Variants in LSAMP observed in about 807,000 individuals in gnomAD.
The protein encoded by LSAMP is limbic system associated membrane protein, also known as limbic system-associated membrane protein.
Under a neutral mutation model 38.6 loss-of-function variants are expected in LSAMP, and 7 were observed. The ratio of observed to expected loss-of-function variants is 0.18; its 90% CI spans 0.10 to 0.34. The LOEUF is 0.34. Ranked by LOEUF, LSAMP falls within the 10% of genes least tolerant of loss-of-function variation. The pLI is 1.00. For missense variants in LSAMP, 313 were observed against 420.0 expected, an observed-to-expected ratio of 0.75 and a Z score of 2.23; for synonymous variants, 154 against 166.8, an observed-to-expected ratio of 0.92 and a Z score of 0.59.
rs556975975 is a variant in LSAMP, at chr3:116,289,153, G to T, written c.155+155724C>A. ...CAATCAGAGAAAGCCTAACACAAAAGAAAACACACCAATTTATAAAAGAAA... is the reference window on the plus strand; with the variant it reads ...CAATCAGAGAAAGCCTAACACAAAATAAAACACACCAATTTATAAAAGAAA... On this transcript the variant is annotated intron_variant, in intron 1 of 6. Coordinates refer to ENST00000490035, the MANE Select transcript of LSAMP (RefSeq NM_002338.5). 1.2e-4 allele frequency among the ~76,000 whole-genome samples: 19 copies of T among 152,176 alleles called. No homozygotes were observed. The Middle Eastern group carries it at 0.01, about 82-fold the overall frequency.
intron 3 of LSAMP, among the ~76,000 whole-genome samples, chr3:115,944,002 T>C (rs1938016034): frequency 6.6e-6 from 1 of 152,182 alleles, no homozygotes; most frequent in Admixed American, 6.5e-5. Context: ...AAGAAAATGA[T>C]ACATAACCAA....
At chr3:115,965,371 A>G (rs948983388) in intron 3 of LSAMP, among the ~76,000 whole-genome samples, 1 of 151,986 alleles carries the variant, frequency 6.6e-6, no homozygotes, top group Non-Finnish European at 1.5e-5. Flanking sequence ...TGTACAGAAA[A>G]TATCAATTCT....
chr3:116,266,425 A>C (rs181508644), intron 1 of LSAMP, among the ~76,000 whole-genome samples: 11 of 152,352 alleles, frequency 7.2e-5, no homozygotes, highest in Non-Finnish European at 1.0e-4. Flanking sequence ...AAGTAACAGA[A>C]TCACTCAGAG....
chr3:116,330,933 TA>T (rs1383157334), intron 1 of LSAMP, among the ~76,000 whole-genome samples: 1 of 152,016 alleles, frequency 6.6e-6, no homozygotes, highest in Non-Finnish European at 1.5e-5. Flanking sequence ...AAACTGTCCC[TA>T]AAAAGAACTA....
chr3:116,086,834 ATCT>A (rs1421777428), intron 1 of LSAMP, among the ~76,000 whole-genome samples: 28 of 152,158 alleles, frequency 1.8e-4, no homozygotes, highest in African/African-American at 6.3e-4. Flanking sequence ...ACTTCCCATT[ATCT>A]TCTTCTTGTT....
chr3:115,929,461 T>TA lies in LSAMP; in HGVS notation c.515-76845dup, dbSNP rs1364602013. 4.0e-5 allele frequency among the ~76,000 whole-genome samples: 6 copies of TA among 151,824 alleles called. No individual in the cohort carries two copies. In the South Asian group the frequency reaches 8.3e-4, roughly 21 times the overall value. The stretch of plus-strand genomic sequence containing the variant: ...ATATCCTGTACATAAGTGGAGAAAA[T>TA]AAAAAAAATTCCCTTCTTTAGTTTC... On this transcript the variant is annotated intron_variant, in intron 3 of 6. Coordinates refer to ENST00000490035, the MANE Select transcript of LSAMP (RefSeq NM_002338.5).
At chr3:116,421,555 A>AAG (rs2049126900) in intron 1 of LSAMP, among the ~76,000 whole-genome samples, 1 of 68,114 alleles carries the variant, frequency 1.5e-5, no homozygotes. Context: ...AAAAAAAAAA[A>AAG]GAAGAAGAAG....
intron 6 of LSAMP, among the ~76,000 whole-genome samples, chr3:115,821,348 A>G (rs1001865510): frequency 4.6e-5 from 7 of 152,220 alleles, no homozygotes; most frequent in African/African-American, 1.7e-4. Context: ...CATAAGGAAA[A>G]GAATTGACGT....
At chr3:116,012,699 G>GATAGACCTGAATAAAGAAGA (rs1354619672) in intron 3 of LSAMP, among the ~76,000 whole-genome samples, 1 of 152,046 alleles carries the variant, frequency 6.6e-6, no homozygotes, top group Non-Finnish European at 1.5e-5. Context: ...TGGAATGAAG[G>GATAGACCTGAATAAAGAAGA]ATAGACCTGA....
intron 3 of LSAMP, among the ~76,000 whole-genome samples, chr3:115,973,658 C>T (rs990261808): frequency 6.6e-5 from 10 of 151,856 alleles, no homozygotes; most frequent in African/African-American, 2.4e-4. Context: ...CACTTGAACC[C>T]GGGAGGTGGA....
chr3:115,923,874 T>C (rs1438356771), intron 3 of LSAMP, among the ~76,000 whole-genome samples: 1 of 152,212 alleles, frequency 6.6e-6, no homozygotes, highest in Non-Finnish European at 1.5e-5. Flanking sequence ...TTAGCATTCA[T>C]ATAACATTGT....
At chr3:116,253,247 T>C (rs1224787564) in intron 1 of LSAMP, among the ~76,000 whole-genome samples, 1 of 152,146 alleles carries the variant, frequency 6.6e-6, no homozygotes, top group African/African-American at 2.4e-5. Flanking sequence ...CTCTTCACCA[T>C]TTGCACATAC....
chr3:115,838,593 A>G (rs1428360290), intron 6 of LSAMP, among the ~76,000 whole-genome samples: 2 of 152,250 alleles, frequency 1.3e-5, no homozygotes, highest in Non-Finnish European at 2.9e-5. Flanking sequence ...AAAAAGATAT[A>G]CAAGGCATTA....
At chr3:115,949,741 A>G (rs1449785679) in intron 3 of LSAMP, among the ~76,000 whole-genome samples, 1 of 152,104 alleles carries the variant, frequency 6.6e-6, no homozygotes, top group Non-Finnish European at 1.5e-5. Context: ...CTAAGAAGCC[A>G]GTATCACCCT....
rs1933683709 is a variant in LSAMP at position 115,808,142 on chromosome 3, CTCCCT to C, written c.*2170_*2174del. On this transcript the variant is annotated 3_prime_UTR_variant, in exon 7 of 7. Coordinates refer to ENST00000490035, the MANE Select transcript of LSAMP (RefSeq NM_002338.5). The stretch of plus-strand genomic sequence containing the variant: ...CCTCCCTCCCTCCCTCCCTCCCTCC[CTCCCT>C]CCCCCCCTTCCCCGTCCCCCCCTCC... 2 of 79,858 alleles carry C rather than the reference CTCCCT, an allele frequency of 2.5e-5. No individual in the cohort carries two copies. Among genetic ancestry groups the C allele is most frequent in the African/African-American group, 1.1e-4 (2 of 18,214 alleles). 4.9% of individuals were successfully genotyped at this position (79,858 alleles called of 1,614,324 possible). A position where few individuals can be genotyped will look rare whatever the true frequency, so the allele number is the denominator to read the frequency against.
At chr3:115,968,930 A>T (rs1003749873) in intron 3 of LSAMP, among the ~76,000 whole-genome samples, 20 of 152,226 alleles carry the variant, frequency 1.3e-4, no homozygotes, top group Non-Finnish European at 2.2e-4. Context: ...TCCCTCCAGC[A>T]GCACTGGCTG....
At chr3:115,827,046 TA>T (rs1384630751) in intron 6 of LSAMP, among the ~76,000 whole-genome samples, 2 of 148,546 alleles carry the variant, frequency 1.3e-5, no homozygotes, top group Non-Finnish European at 3.0e-5. Flanking sequence ...GGGAGAAAAA[TA>T]AAACAAATTT....
At chr3:116,394,590 C>G (rs1412519231) in intron 1 of LSAMP, among the ~76,000 whole-genome samples, 1 of 152,174 alleles carries the variant, frequency 6.6e-6, no homozygotes, top group Non-Finnish European at 1.5e-5. Flanking sequence ...GACCAGCCCC[C>G]TCATTATGCT....
intron 2 of LSAMP, among the ~76,000 whole-genome samples, chr3:116,036,320 A>G (rs1285597776): frequency 6.6e-6 from 1 of 152,194 alleles, no homozygotes; most frequent in African/African-American, 2.4e-5. Context: ...TAATGAGTAC[A>G]CAATTAATCC....
Sources: gnomAD v4.1 joint callset for allele counts (sites outside exome capture counted in the v4.1 genomes callset) on GRCh38, gnomAD v4.1.1 for gene constraint, MANE v1.5 for transcripts, NCBI Gene and HGNC (gene_info 2026-07-23, HGNC 2026-07-21) for gene names.